The following LHFPL6 variants were observed in gnomAD, a reference collection of about 807,000 sequenced individuals.
The protein encoded by LHFPL6 is LHFPL tetraspan subfamily member 6 protein.
A neutral mutation model predicts 20.6 loss-of-function variants in LHFPL6; 9 were observed. The ratio of observed to expected loss-of-function variants is 0.44; its 90% CI spans 0.26 to 0.76. The LOEUF is 0.76. LHFPL6 is among the 30% of genes least tolerant of loss of function. LHFPL6 has a pLI of 0.20. For synonymous variants in LHFPL6, 105 were observed against 98.7 expected (o/e 1.06, Z -0.38); for missense variants, 218 against 253.5 (o/e 0.86, Z 0.95).
chr13:39,498,440 G>C (rs1869171380), intron 2 of LHFPL6, among the ~76,000 whole-genome samples: 1 of 152,152 alleles, frequency 6.6e-6, no homozygotes, highest in Non-Finnish European at 1.5e-5. Flanking sequence ...TCTACACATA[G>C]AACAGTAGGG....
intron 2 of LHFPL6, among the ~76,000 whole-genome samples, chr13:39,408,735 ACT>A (rs1224309716): frequency 2.0e-5 from 3 of 152,306 alleles, no homozygotes; most frequent in East Asian, 3.9e-4. Context: ...TCACAATGAC[ACT>A]CTGCCTGTCA....
chr13:39,400,634 T>G (rs1870962362), intron 2 of LHFPL6, among the ~76,000 whole-genome samples: 1 of 150,300 alleles, frequency 6.7e-6, no homozygotes, highest in African/African-American at 2.4e-5. Context: ...ATACAAAAAA[T>G]TAGCCGGGCG....
At chr13:39,479,034 T>TAGAG (rs1555264216) in intron 2 of LHFPL6, among the ~76,000 whole-genome samples, 6,237 of 144,054 alleles carry the variant, frequency 0.043, 174 homozygotes, top group South Asian at 0.077. Context: ...GGGAGATAGA[T>TAGAG]ATAGATAGAT....
intron 2 of LHFPL6, among the ~76,000 whole-genome samples, chr13:39,591,687 G>T (rs759341497): frequency 7.2e-5 from 11 of 152,184 alleles, no homozygotes; most frequent in Non-Finnish European, 1.3e-4. Flanking sequence ...TTTGTTCAAA[G>T]TGCTCCCTGG....
At chr13:39,368,477 G>A (rs1286452926) in intron 3 of LHFPL6, among the ~76,000 whole-genome samples, 1 of 152,154 alleles carries the variant, frequency 6.6e-6, no homozygotes, top group Non-Finnish European at 1.5e-5. Context: ...AGCAACTCTG[G>A]AGGCTGAGGC....
At chr13:39,411,581 C>G (rs932447852) in intron 2 of LHFPL6, among the ~76,000 whole-genome samples, 9 of 152,162 alleles carry the variant, frequency 5.9e-5, no homozygotes, top group African/African-American at 2.2e-4. Flanking sequence ...TCACGAGGAC[C>G]CTTTCATATC....
intron 2 of LHFPL6, among the ~76,000 whole-genome samples, chr13:39,536,958 A>G (rs1870638276): frequency 6.6e-6 from 1 of 152,136 alleles, no homozygotes; most frequent in South Asian, 2.1e-4. Context: ...ATACATCCAT[A>G]TCCAAAAGAA....
chr13:39,352,867 A>ATATATATATAAATGTATATATATATG (rs1566091549), intron 3 of LHFPL6, among the ~76,000 whole-genome samples: 1 of 75,396 alleles, frequency 1.3e-5, no homozygotes, highest in Admixed American at 1.7e-4. Flanking sequence ...ATATATGTGT[A>ATATATATATAAATGTATATATATATG]TATATATATA....
At position 39,343,861 on chromosome 13, in the gene LHFPL6, A is replaced by G. The variant is rs1249056409; in HGVS notation, c.*75T>C. 3.0e-6 allele frequency: 3 copies of G among 1,001,534 alleles called. No individual in the cohort carries two copies. In the African/African-American group the frequency reaches 4.8e-5, roughly 16 times the overall value. The allele number at this position is 1,001,534 out of a possible 1,614,324, so 62.0% of individuals were successfully genotyped here. A position where few individuals can be genotyped will look rare whatever the true frequency, so the allele number is the denominator to read the frequency against. On this transcript the variant is annotated 3_prime_UTR_variant, in exon 4 of 4. Transcript: ENST00000379589. ...TTAGAACTACTATCCCACCTTTTGAAGGTAGGTGGATGTTTTGACCTCTCC... is the reference window on the plus strand; with the variant it reads ...TTAGAACTACTATCCCACCTTTTGAGGGTAGGTGGATGTTTTGACCTCTCC...
chr13:39,403,793 C>T (rs1231674289), intron 2 of LHFPL6, among the ~76,000 whole-genome samples: 2 of 152,140 alleles, frequency 1.3e-5, no homozygotes, highest in African/African-American at 4.8e-5. Flanking sequence ...GTTGGACATA[C>T]CCCCACCACT....
At chr13:39,561,699 C>T (rs1436529512) in intron 2 of LHFPL6, among the ~76,000 whole-genome samples, 1 of 152,186 alleles carries the variant, frequency 6.6e-6, no homozygotes, top group Admixed American at 6.5e-5. Flanking sequence ...GTAAGTGATC[C>T]TCCCACCTAG....
intron 2 of LHFPL6, among the ~76,000 whole-genome samples, chr13:39,494,392 G>A (rs1382953648): frequency 6.6e-6 from 1 of 152,100 alleles, no homozygotes; most frequent in Admixed American, 6.5e-5. Flanking sequence ...TTCATAAATG[G>A]GAGATTGAAG....
chr13:39,469,588 C>G (rs1872894991), intron 2 of LHFPL6, among the ~76,000 whole-genome samples: 1 of 151,994 alleles, frequency 6.6e-6, no homozygotes, highest in African/African-American at 2.4e-5. Context: ...GTGCTCAGGA[C>G]TGAAAATAAA....
In LHFPL6 at chr13:39,343,800, T is replaced by C; in HGVS notation, c.*136A>G. ...CTTCCTTCCTATATCATGTTCCTGA[T>C]TTTATCGGGTTTCATTTTATTAGCA... On this transcript the variant is annotated 3_prime_UTR_variant, in exon 4 of 4. Coordinates refer to ENST00000379589, the MANE Select transcript of LHFPL6 (RefSeq NM_005780.3). The C allele has an allele frequency of 1.7e-6, 1 of 598,066 alleles. No homozygotes were observed. Among genetic ancestry groups the C allele is most frequent in the South Asian group, 2.8e-5 (1 of 36,096 alleles). The allele number at this position is 598,066 out of a possible 1,614,324, so 37.0% of individuals were successfully genotyped here. A position where few individuals can be genotyped will look rare whatever the true frequency, so the allele number is the denominator to read the frequency against.
chr13:39,543,219 AC>A (rs1308255259), intron 2 of LHFPL6, among the ~76,000 whole-genome samples: 8 of 152,242 alleles, frequency 5.3e-5, no homozygotes, highest in Non-Finnish European at 4.4e-5. Flanking sequence ...AAAATATTCC[AC>A]TGTATGTATA....
chr13:39,381,507 A>G (rs1356767712), intron 2 of LHFPL6, among the ~76,000 whole-genome samples: 1 of 151,940 alleles, frequency 6.6e-6, no homozygotes, highest in Non-Finnish European at 1.5e-5. Flanking sequence ...ACTCCCCTCC[A>G]ACAACGCATG....
At chr13:39,538,623 A>G (rs1270697137) in intron 2 of LHFPL6, among the ~76,000 whole-genome samples, 1 of 151,812 alleles carries the variant, frequency 6.6e-6, no homozygotes, top group East Asian at 1.9e-4. Context: ...CACAGACACC[A>G]AATGCAAGGA....
rs2138335392 is a variant in LHFPL6, at chr13:39,349,546, T to C, written c.485-5492A>G. Among the ~76,000 whole-genome samples the C allele has an allele frequency of 1.3e-5, 2 of 152,354 alleles. 1 individual carries two copies. The highest frequency in any genetic ancestry group is 4.1e-4 in the South Asian group (2 of 4,828). On this transcript the variant is annotated intron_variant, in intron 3 of 3. Coordinates refer to ENST00000379589, the MANE Select transcript of LHFPL6 (RefSeq NM_005780.3). ...GAATCACTGGGTACTGGGAGCTTTG[T>C]TGGGAATAATATAATTCCTGCTATC...
chr13:39,538,799 T>C (rs539929870), intron 2 of LHFPL6, among the ~76,000 whole-genome samples: 1 of 152,288 alleles, frequency 6.6e-6, no homozygotes, highest in East Asian at 1.9e-4. Context: ...ATTTTTGAGA[T>C]ATTCAATAAA....
Sources: gnomAD v4.1 joint callset for allele counts (sites outside exome capture counted in the v4.1 genomes callset) on GRCh38, gnomAD v4.1.1 for gene constraint, MANE v1.5 for transcripts, NCBI Gene and HGNC (gene_info 2026-07-23, HGNC 2026-07-21) for gene names.